The following OPCML variants were observed in gnomAD, a reference collection of about 807,000 sequenced individuals.
OPCML encodes opioid binding protein/cell adhesion molecule like, also known as opioid-binding protein/cell adhesion molecule.
OPCML carries 13 observed loss-of-function variants against 37.8 expected under a neutral mutation model. That is an observed-to-expected ratio of 0.34 (90% CI 0.22 to 0.55). The LOEUF is 0.55. Ranked by LOEUF, OPCML falls within the 20% of genes least tolerant of loss-of-function variation. The probability of loss-of-function intolerance (pLI) is 0.91; values close to 1 mark genes in which losing one functional copy is unlikely to be tolerated. For missense variants in OPCML, 341 were observed against 435.6 expected, an observed-to-expected ratio of 0.78 and a Z score of 1.93; for synonymous variants, 176 against 168.8, an observed-to-expected ratio of 1.04 and a Z score of -0.33.
At chr11:133,400,223 A>G (rs943391639) in intron 1 of OPCML, among the ~76,000 whole-genome samples, 3 of 152,224 alleles carry the variant, frequency 2.0e-5, no homozygotes, top group African/African-American at 7.2e-5. Context: ...AATTTGTAGA[A>G]TGTTCAAGTT....
At chr11:132,612,036 T>A (rs972741055) in intron 3 of OPCML, among the ~76,000 whole-genome samples, 2 of 152,214 alleles carry the variant, frequency 1.3e-5, no homozygotes, top group Admixed American at 1.3e-4. Context: ...CAGAAAATGG[T>A]ATAATAATTT....
intron 1 of OPCML, among the ~76,000 whole-genome samples, chr11:133,296,760 G>T (rs769453434): frequency 7.2e-5 from 11 of 152,080 alleles, no homozygotes; most frequent in Non-Finnish European, 1.2e-4. Flanking sequence ...TTTCATAAAA[G>T]GTAGACATTA....
At chr11:133,328,157 ATTT>A (rs533894891) in intron 1 of OPCML, among the ~76,000 whole-genome samples, 7 of 138,248 alleles carry the variant, frequency 5.1e-5, no homozygotes, top group Admixed American at 1.5e-4. Flanking sequence ...GTGTGTTTTA[ATTT>A]TTTTTTTTTT....
intron 2 of OPCML, among the ~76,000 whole-genome samples, chr11:132,741,196 A>G (rs940332806): frequency 1.3e-5 from 2 of 152,108 alleles, no homozygotes; most frequent in Non-Finnish European, 2.9e-5. Flanking sequence ...AGACTCTCAA[A>G]TTGAGGTGAG....
At chr11:133,403,493 T>C (rs1398509910) in intron 1 of OPCML, among the ~76,000 whole-genome samples, 2 of 152,186 alleles carry the variant, frequency 1.3e-5, no homozygotes, top group African/African-American at 2.4e-5. Flanking sequence ...AGTTATCAAA[T>C]ATTATTTAAG....
chr11:132,758,312 T>G (rs1946133994), intron 2 of OPCML, among the ~76,000 whole-genome samples: 1 of 152,202 alleles, frequency 6.6e-6, no homozygotes, highest in Non-Finnish European at 1.5e-5. Flanking sequence ...CATATGAAAT[T>G]TAAAGTAGTT....
intron 1 of OPCML, among the ~76,000 whole-genome samples, chr11:133,393,601 T>C (rs892708424): frequency 6.6e-6 from 1 of 152,192 alleles, no homozygotes; most frequent in East Asian, 1.9e-4. Flanking sequence ...GTGTGTAGCA[T>C]GGCACTTGGC....
At chr11:132,582,167 T>A (rs2096463501) in intron 3 of OPCML, among the ~76,000 whole-genome samples, 1 of 143,626 alleles carries the variant, frequency 7.0e-6, no homozygotes, top group South Asian at 2.3e-4. Context: ...AGAGAGAGAG[T>A]GCCTGCAAAA....
Position 133,231,037 on chromosome 11 carries a change from A to G in OPCML, c.62-288027T>C, listed in dbSNP as rs555116280. Among the ~76,000 whole-genome samples, 4 of 152,290 alleles carry G rather than the reference A, an allele frequency of 2.6e-5. No individual in the cohort carries two copies. The South Asian group carries it at 8.3e-4, about 32-fold the overall frequency. On this transcript the variant is annotated intron_variant, in intron 1 of 7. Coordinates refer to ENST00000524381, the MANE Select transcript of OPCML (RefSeq NM_001012393.5). ...TAATAATAAGGGGCTGTCTGCCTCA[A>G]TGTGTCAAATTCCCCGCTAGCAGCA...
intron 3 of OPCML, among the ~76,000 whole-genome samples, chr11:132,649,928 TAC>T (rs61282644): frequency 0.032 from 4,681 of 146,892 alleles, 115 homozygotes; most frequent in African/African-American, 0.032. Flanking sequence ...CACGCACTGT[TAC>T]ACACACACAC....
intron 1 of OPCML, among the ~76,000 whole-genome samples, chr11:133,272,914 TC>T (rs1941892428): frequency 6.6e-6 from 1 of 152,166 alleles, no homozygotes; most frequent in Non-Finnish European, 1.5e-5. Context: ...TTGCTTTCAC[TC>T]CTTGTTGGAA....
At chr11:132,634,308 T>C (rs190936015) in intron 3 of OPCML, among the ~76,000 whole-genome samples, 214 of 152,278 alleles carry the variant, frequency 1.4e-3, no homozygotes, top group South Asian at 8.1e-3. Context: ...AGCTATTGAG[T>C]ATGTAAGCAA....
rs545570137 is a variant in OPCML at position 132,893,325 on chromosome 11, C to T, written c.146+49601G>A. Among the ~76,000 whole-genome samples, 18 of 152,322 alleles carry T rather than the reference C, an allele frequency of 1.2e-4. 1 individual carries two copies. The East Asian group carries it at 2.7e-3, about 23-fold the overall frequency. On this transcript the variant is annotated intron_variant, in intron 2 of 7. Transcript: ENST00000524381. ...TCCAGCATGGCTAAGCCATCATCCT[C>T]GGGAAATACAGACGCTTGACCATGG...
At position 133,243,166 on chromosome 11, in the gene OPCML, T is replaced by C. The variant is rs977163772; in HGVS notation, c.61+289098A>G. ...AGAACTCAGGGCAAACAAGATATTC[T>C]TGAGAGCAACTGGTTTCTAACACCA... On this transcript the variant is annotated intron_variant, in intron 1 of 7. Transcript: ENST00000524381. Among the ~76,000 whole-genome samples the C allele has an allele frequency of 1.3e-5, 2 of 152,156 alleles. 1 individual carries two copies. The highest frequency in any genetic ancestry group is 2.9e-5 in the Non-Finnish European group (2 of 68,024).
intron 4 of OPCML, among the ~76,000 whole-genome samples, chr11:132,502,895 C>T (rs1185729064): frequency 2.6e-5 from 4 of 152,258 alleles, no homozygotes; most frequent in African/African-American, 2.4e-5. Flanking sequence ...CTTTTAAGTG[C>T]CTCTAGTGGA....
intron 4 of OPCML, among the ~76,000 whole-genome samples, chr11:132,463,741 A>G (rs2096110739): frequency 6.6e-6 from 1 of 152,216 alleles, no homozygotes; most frequent in Non-Finnish European, 1.5e-5. Context: ...CTGGTCAGTC[A>G]TCTGTGGCAT....
At position 132,885,047 on chromosome 11, in the gene OPCML, G is replaced by C. The variant is rs1348521007; in HGVS notation, c.146+57879C>G. On this transcript the variant is annotated intron_variant, in intron 2 of 7. Coordinates refer to ENST00000524381, the MANE Select transcript of OPCML (RefSeq NM_001012393.5). ...ACAGCATCTACCTGGACCACACGCT[G>C]TGCCTTCTCCTCCACTCCCTCTTCC... 5.9e-5 allele frequency among the ~76,000 whole-genome samples: 9 copies of C among 152,304 alleles called. No homozygotes were observed. The East Asian group carries it at 1.5e-3, about 26-fold the overall frequency.
chr11:132,978,470 C>T (rs1179681825), intron 1 of OPCML, among the ~76,000 whole-genome samples: 4 of 152,158 alleles, frequency 2.6e-5, no homozygotes, highest in African/African-American at 9.7e-5. Context: ...GCAGGACTAG[C>T]ATCATTCCAA....
At chr11:133,030,290 G>A (rs920015387) in intron 1 of OPCML, among the ~76,000 whole-genome samples, 1 of 152,150 alleles carries the variant, frequency 6.6e-6, no homozygotes, top group African/African-American at 2.4e-5. Context: ...ATACGCAAAG[G>A]CTTACAATGT....
Sources: allele counts gnomAD v4.1 joint callset (sites outside exome capture counted in the v4.1 genomes callset), GRCh38; gene constraint gnomAD v4.1.1; transcripts MANE v1.5; gene names NCBI Gene and HGNC (gene_info 2026-07-23, HGNC 2026-07-21).